Variants in DOK5 observed in about 807,000 individuals in gnomAD.
DOK5 encodes downstream of tyrosine kinase 5.
DOK5 carries 27 observed loss-of-function variants against 43.3 expected under a neutral mutation model. The observed-to-expected ratio is 0.62, with a 90% CI of 0.46 to 0.86. The LOEUF is 0.86. Among genes scored for constraint, DOK5 ranks in the 40% least tolerant of loss-of-function variants. The probability of loss-of-function intolerance (pLI) is 0.00; values close to 1 mark genes in which losing one functional copy is unlikely to be tolerated. For missense variants in DOK5, 373 were observed against 392.9 expected, an observed-to-expected ratio of 0.95 and a Z score of 0.43; for synonymous variants, 146 against 140.1, an observed-to-expected ratio of 1.04 and a Z score of -0.30.
intron 7 of DOK5, among the ~76,000 whole-genome samples, chr20:54,644,712 A>AAAAAAAAC (rs1555839794): frequency 1.5e-5 from 2 of 130,754 alleles, no homozygotes; most frequent in African/African-American, 7.0e-5. Context: ...TCTCAAAAAA[A>AAAAAAAAC]AAAAAAAAAA....
rs769037845 is a variant in DOK5 at position 54,610,349 on chromosome 20, G to A, written c.600-39G>A. The stretch of plus-strand genomic sequence containing the variant: ...ATCTTGGTGCATTGAACTTCTAGGC[G>A]CTGGATTTTCAGAAGCTGTTTTGTT... On this transcript the variant is annotated intron_variant, in intron 5 of 7. Coordinates refer to ENST00000262593, the MANE Select transcript of DOK5 (RefSeq NM_018431.5). 1.1e-5 allele frequency: 16 copies of A among 1,467,256 alleles called. 1 individual carries two copies. The highest frequency in any genetic ancestry group is 3.7e-4 in the Middle Eastern group (2 of 5,412). 90.9% of individuals were successfully genotyped at this position (1,467,256 alleles called of 1,614,324 possible). A position where few individuals can be genotyped will look rare whatever the true frequency, so the allele number is the denominator to read the frequency against.
At chr20:54,527,894 G>T (rs910699438) in intron 1 of DOK5, among the ~76,000 whole-genome samples, 1 of 152,142 alleles carries the variant, frequency 6.6e-6, no homozygotes, top group African/African-American at 2.4e-5. Context: ...TAGTTGATGC[G>T]ATCCTCTTAA....
At position 54,627,799 on chromosome 20, in the gene DOK5, A is replaced by G. The variant is rs141949001; in HGVS notation, c.736-15659A>G. Among the ~76,000 whole-genome samples the G allele has an allele frequency of 1.4e-3, 208 of 152,324 alleles. 1 individual carries two copies. The highest frequency in any genetic ancestry group is 2.1e-3 in the Non-Finnish European group (140 of 68,028). On this transcript the variant is annotated intron_variant, in intron 6 of 7. Coordinates refer to ENST00000262593, the MANE Select transcript of DOK5 (RefSeq NM_018431.5). ...CACATTTCTGATAAGTACTCAGGCGATGCTGAGGTCGCTAGACCAGGTAAC... is the reference window on the plus strand; with the variant it reads ...CACATTTCTGATAAGTACTCAGGCGGTGCTGAGGTCGCTAGACCAGGTAAC...
At chr20:54,617,153 G>A (rs190497435) in intron 6 of DOK5, among the ~76,000 whole-genome samples, 3 of 152,206 alleles carry the variant, frequency 2.0e-5, no homozygotes, top group Admixed American at 2.0e-4. Flanking sequence ...TTGTGGGATT[G>A]AGGGCTACAG....
chr20:54,543,916 T>C (rs77419360), intron 1 of DOK5, among the ~76,000 whole-genome samples: 3,868 of 152,250 alleles, frequency 0.025, 143 homozygotes, highest in African/African-American at 0.088. Context: ...AGAGCCCTAT[T>C]CCCATACCTG....
chr20:54,536,439 G>C (rs1292158611), intron 1 of DOK5, among the ~76,000 whole-genome samples: 1 of 152,202 alleles, frequency 6.6e-6, no homozygotes, highest in East Asian at 1.9e-4. Flanking sequence ...CAGTGAGTAG[G>C]TGTGCCTTTT....
At chr20:54,610,131 TA>T (rs199665638) in intron 5 of DOK5, among the ~76,000 whole-genome samples, 28 of 152,148 alleles carry the variant, frequency 1.8e-4, no homozygotes, top group African/African-American at 6.0e-4. Flanking sequence ...AGCTTTTTTT[TA>T]AAAAAAATTT....
At chr20:54,524,098 T>C (rs1983503376) in intron 1 of DOK5, among the ~76,000 whole-genome samples, 1 of 152,190 alleles carries the variant, frequency 6.6e-6, no homozygotes. Context: ...CTCCCAGTTC[T>C]AGCCCAACGT....
In DOK5 at chr20:54,540,606, C is replaced by T. The variant is rs377330934; in HGVS notation, c.67-14327C>T. ...CATGACTCACTGCAGCCTCAACCTCCTGGGATCAATTGATCCTTCCCCACC... is the reference window on the plus strand; with the variant it reads ...CATGACTCACTGCAGCCTCAACCTCTTGGGATCAATTGATCCTTCCCCACC... On this transcript the variant is annotated intron_variant, in intron 1 of 7. Coordinates refer to ENST00000262593, the MANE Select transcript of DOK5 (RefSeq NM_018431.5). Among the ~76,000 whole-genome samples the T allele has an allele frequency of 3.9e-5, 6 of 152,142 alleles. No homozygotes were observed. In the East Asian group the frequency reaches 1.2e-3, roughly 29 times the overall value.
rs554405439 is a variant in DOK5, at chr20:54,625,247, C to T, written c.735+14724C>T. 1.5e-4 allele frequency among the ~76,000 whole-genome samples: 23 copies of T among 152,204 alleles called. No individual in the cohort carries two copies. In the East Asian group the frequency reaches 1.7e-3, roughly 12 times the overall value. On this transcript the variant is annotated intron_variant, in intron 6 of 7. Transcript: ENST00000262593. The stretch of plus-strand genomic sequence containing the variant: ...CATGAGGACTGGTTCATTAGAATGT[C>T]GGGGAAGACCACATGTTTGGCAGAT...
chr20:54,642,841 G>T (rs1315095477), intron 6 of DOK5, among the ~76,000 whole-genome samples: 1 of 152,220 alleles, frequency 6.6e-6, no homozygotes, highest in African/African-American at 2.4e-5. Flanking sequence ...GGTCTCAGTG[G>T]AGTGTGTGAA....
chr20:54,553,680 A>T (rs947783317), intron 1 of DOK5, among the ~76,000 whole-genome samples: 4 of 150,518 alleles, frequency 2.7e-5, no homozygotes, highest in African/African-American at 9.7e-5. Flanking sequence ...GTGGATCATG[A>T]GGTGAGGAGT....
At chr20:54,641,849 T>C (rs1043092912) in intron 6 of DOK5, among the ~76,000 whole-genome samples, 1 of 152,192 alleles carries the variant, frequency 6.6e-6, no homozygotes, top group Non-Finnish European at 1.5e-5. Flanking sequence ...GGGCCTTGAA[T>C]GGGAGGATAC....
At chr20:54,627,264 T>C (rs538359697) in intron 6 of DOK5, among the ~76,000 whole-genome samples, 61 of 152,328 alleles carry the variant, frequency 4.0e-4, no homozygotes, top group African/African-American at 1.4e-3. Context: ...TTGTTAACCT[T>C]ATTGAATTGA....
At chr20:54,613,733 C>G (rs13043020) in intron 6 of DOK5, among the ~76,000 whole-genome samples, 33,872 of 151,970 alleles carry the variant, frequency 0.22, 4,091 homozygotes, top group Admixed American at 0.3. Context: ...GTGGCTCACA[C>G]CTGTAATCCC....
At chr20:54,535,479 A>C (rs1983931369) in intron 1 of DOK5, among the ~76,000 whole-genome samples, 1 of 152,056 alleles carries the variant, frequency 6.6e-6, no homozygotes, top group African/African-American at 2.4e-5. Flanking sequence ...TATTACAGTG[A>C]TTCAATTTCA....
At position 54,597,157 on chromosome 20, in the gene DOK5, A is replaced by G. The variant is rs1326267682; in HGVS notation, c.599+5352A>G. ...ATATAGCATTTAATAATTGCTCAAA[A>G]CAAATAAGGTCAAGAGGCTATTTGA... On this transcript the variant is annotated intron_variant, in intron 5 of 7. Transcript: ENST00000262593. Among the ~76,000 whole-genome samples the G allele has an allele frequency of 2.6e-5, 4 of 152,188 alleles. No individual in the cohort carries two copies. The East Asian group carries it at 5.8e-4, about 22-fold the overall frequency.
chr20:54,590,372 T>A (rs1985941400), intron 4 of DOK5, among the ~76,000 whole-genome samples: 1 of 152,186 alleles, frequency 6.6e-6, no homozygotes, highest in African/African-American at 2.4e-5. Context: ...TTTTTAAATT[T>A]TTATTATTAT....
At chr20:54,556,081 C>T (rs559369329) in intron 2 of DOK5, among the ~76,000 whole-genome samples, 29 of 152,118 alleles carry the variant, frequency 1.9e-4, no homozygotes, top group Non-Finnish European at 3.2e-4. Flanking sequence ...ATAAGGACTA[C>T]GTTATACTTT....
Sources: gnomAD v4.1 joint callset for allele counts (sites outside exome capture counted in the v4.1 genomes callset) on GRCh38, gnomAD v4.1.1 for gene constraint, MANE v1.5 for transcripts, NCBI Gene and HGNC (gene_info 2026-07-23, HGNC 2026-07-21) for gene names.